The following CCN4 variants were observed in gnomAD, a reference collection of about 807,000 sequenced individuals.
CCN4 encodes cellular communication network factor 4.
In CCN4, 30 loss-of-function variants were observed where a neutral mutation model predicts 36.7. The ratio of observed to expected loss-of-function variants is 0.82; its 90% CI spans 0.61 to 1.11. The LOEUF is 1.11. Ranked by LOEUF, CCN4 falls within the 50% of genes least tolerant of loss-of-function variation. The pLI is 0.00. For synonymous variants in CCN4, 191 were observed against 195.4 expected (o/e 0.98, Z 0.19); for missense variants, 505 against 504.9 (o/e 1.00, Z 0.00).
intron 1 of CCN4, among the ~76,000 whole-genome samples, chr8:133,203,749 C>G (rs1331554911): frequency 6.6e-6 from 1 of 152,210 alleles, no homozygotes; most frequent in Non-Finnish European, 1.5e-5. Context: ...AAACTGCACA[C>G]ACTCTTAGAA....
chr8:133,224,224 AAGTCCTTT>A (rs1854639158), intron 3 of CCN4, among the ~76,000 whole-genome samples: 1 of 68,866 alleles, frequency 1.5e-5, no homozygotes, highest in African/African-American at 5.8e-5. Flanking sequence ...TGAAGCCCGT[AAGTCCTTT>A]TTTTTTTTTT....
chr8:133,224,319 C>T (rs1854649317), intron 3 of CCN4, among the ~76,000 whole-genome samples: 1 of 144,374 alleles, frequency 6.9e-6, no homozygotes, highest in South Asian at 2.2e-4. Flanking sequence ...TGGCTCACTG[C>T]AACCTCTACC....
At chr8:133,215,492 T>G (rs1358579353) in intron 2 of CCN4, among the ~76,000 whole-genome samples, 2 of 152,198 alleles carry the variant, frequency 1.3e-5, no homozygotes, top group Admixed American at 6.5e-5. Flanking sequence ...AAAGCTGTAT[T>G]GAGATCTTGT....
intron 1 of CCN4, among the ~76,000 whole-genome samples, chr8:133,204,847 G>A (rs1208811617): frequency 6.6e-6 from 1 of 152,162 alleles, no homozygotes; most frequent in African/African-American, 2.4e-5. Flanking sequence ...TGAACCACAT[G>A]CCTGGCTGAG....
At chr8:133,210,830 C>T (rs35349399) in intron 1 of CCN4, among the ~76,000 whole-genome samples, 3,505 of 152,304 alleles carry the variant, frequency 0.023, 50 homozygotes, top group South Asian at 0.039. Context: ...GCCAGACACA[C>T]GCAGGTCAGC....
At chr8:133,194,800 GTGTTTAT>G (rs1853304350) in intron 1 of CCN4, among the ~76,000 whole-genome samples, 1 of 138,892 alleles carries the variant, frequency 7.2e-6, no homozygotes, top group Admixed American at 7.2e-5. Context: ...TGTGTGTGTG[GTGTTTAT>G]TGTGTGTGGT....
At position 133,227,425 on chromosome 8, in the gene CCN4, T is replaced by A. The variant is rs768038218; in HGVS notation, c.819T>A (p.Cys273Ter). 6.2e-7 allele frequency: 1 copy of A among 1,612,230 alleles called. No homozygotes were observed. ...CTTTCCTTCAGGCAGGGAAGAAGTGTCTGGCTGTGTACCAGCCAGAGGCAT... is the reference window on the plus strand; with the variant it reads ...CTTTCCTTCAGGCAGGGAAGAAGTGACTGGCTGTGTACCAGCCAGAGGCAT... ...IHTLIKAGKKCLAVYQPEASM... is the reference protein window; with the variant it reads ...IHTLIKAGKK The change falls in exon 5 of 5, where the codon TGT (cysteine) becomes TGA (stop). Residue 273 changes from cysteine to a stop codon, truncating the protein, a stop_gained. Transcript: ENST00000250160. LOFTEE classifies it high-confidence loss of function.
At chr8:133,221,802 T>A (rs557629467) in intron 3 of CCN4, among the ~76,000 whole-genome samples, 1 of 151,602 alleles carries the variant, frequency 6.6e-6, no homozygotes, top group South Asian at 2.1e-4. Context: ...GATGGATGAA[T>A]TGATAAATGG....
At chr8:133,216,158 G>A (rs773828024) in intron 2 of CCN4, among the ~76,000 whole-genome samples, 1 of 152,040 alleles carries the variant, frequency 6.6e-6, no homozygotes, top group Non-Finnish European at 1.5e-5. Flanking sequence ...GAGAGTGTGG[G>A]GTCTGCAAAA....
intron 1 of CCN4, among the ~76,000 whole-genome samples, chr8:133,204,941 C>T (rs781385617): frequency 1.3e-5 from 2 of 152,220 alleles, no homozygotes; most frequent in Non-Finnish European, 2.9e-5. Context: ...ATCCCAATGC[C>T]CAGGCTCCTC....
chr8:133,198,085 A>T (rs779074674), intron 1 of CCN4, among the ~76,000 whole-genome samples: 3 of 152,156 alleles, frequency 2.0e-5, no homozygotes, highest in Admixed American at 1.3e-4. Context: ...CTTGAAAGTG[A>T]GGAGATTGGA....
At chr8:133,225,260 C>T in intron 3 of CCN4, 130 bp from the exon 4 acceptor site, 1 of 902,828 alleles carries the variant, frequency 1.1e-6, no homozygotes, top group Admixed American at 2.5e-5. Flanking sequence ...ACTTGCTGTC[C>T]TGTGGGGAGG....
At chr8:133,195,167 TG>T (rs1853330058) in intron 1 of CCN4, among the ~76,000 whole-genome samples, 1 of 149,738 alleles carries the variant, frequency 6.7e-6, no homozygotes, top group African/African-American at 2.5e-5. Flanking sequence ...TGAGTGTGTA[TG>T]TGGTGTGTTT....
intron 2 of CCN4, among the ~76,000 whole-genome samples, chr8:133,217,802 G>A (rs1408863211): frequency 6.6e-6 from 1 of 152,078 alleles, no homozygotes. Context: ...AGCTCCCCAG[G>A]TTCCCCTGGG....
intron 2 of CCN4, among the ~76,000 whole-genome samples, chr8:133,218,309 A>G (rs1854399172): frequency 6.6e-6 from 1 of 152,158 alleles, no homozygotes; most frequent in South Asian, 2.1e-4. Context: ...TGATGTTAGC[A>G]TCTTTCCTTT....
At chr8:133,196,866 A>G (rs1410379184) in intron 1 of CCN4, among the ~76,000 whole-genome samples, 1 of 152,178 alleles carries the variant, frequency 6.6e-6, no homozygotes, top group Non-Finnish European at 1.5e-5. Context: ...GGCCCTATCC[A>G]ATGAGCAGGG....
chr8:133,213,842 A>G (rs1564260736), intron 2 of CCN4, among the ~76,000 whole-genome samples: 1 of 131,400 alleles, frequency 7.6e-6, no homozygotes, highest in South Asian at 2.8e-4. Context: ...AATATACTAT[A>G]TATACACTAT....
At position 133,225,475 on chromosome 8, in the gene CCN4, G is replaced by A; in HGVS notation, c.696G>A (p.Leu232=). The A allele has an allele frequency of 6.2e-7, 1 of 1,614,092 alleles. No homozygotes were observed. Among genetic ancestry groups the A allele is most frequent in the Non-Finnish European group, 8.5e-7 (1 of 1,179,990 alleles). Residue 232 remains leucine (L), a synonymous_variant, in exon 4 of 5, where the codon CTG becomes CTA. Transcript: ENST00000250160. Reference sequence around the variant, plus strand: ...GCCCTTGCTCCACCAGCTGCGGCCTGGGGGTCTCCACTCGGATCTCCAATG... The same window carrying A: ...GCCCTTGCTCCACCAGCTGCGGCCTAGGGGTCTCCACTCGGATCTCCAATG... ...PWSPCSTSCG[L]GVSTRISNVN... is the part of the protein sequence containing the mutation.
At chr8:133,212,599 AG>A (rs1232996791) in intron 1 of CCN4, among the ~76,000 whole-genome samples, 1 of 152,186 alleles carries the variant, frequency 6.6e-6, no homozygotes, top group Non-Finnish European at 1.5e-5. Flanking sequence ...GGAAAGGAGC[AG>A]GGTCTGAGGT....
Sources: gnomAD v4.1 joint callset for allele counts (sites outside exome capture counted in the v4.1 genomes callset) on GRCh38, gnomAD v4.1.1 for gene constraint, MANE v1.5 for transcripts, NCBI Gene and HGNC (gene_info 2026-07-23, HGNC 2026-07-21) for gene names.